Variants in TCEA3 observed in about 807,000 individuals in gnomAD.
The protein encoded by TCEA3 is transcription elongation factor A3, also known as transcription elongation factor A protein 3.
Under a neutral mutation model 44.0 loss-of-function variants are expected in TCEA3, and 36 were observed. The observed-to-expected ratio is 0.82, with a 90% CI of 0.63 to 1.08. The LOEUF (loss-of-function observed/expected upper bound fraction) is 1.08, where lower values mean the gene tolerates loss of function less well. TCEA3 is among the 50% of genes least tolerant of loss of function. The pLI, the probability that TCEA3 is intolerant of heterozygous loss-of-function variation, is 0.00. For synonymous variants in TCEA3, 162 were observed against 159.7 expected (o/e 1.01, Z -0.11); for missense variants, 392 against 441.2 (o/e 0.89, Z 1.00).
At position 23,419,083 on chromosome 1, in the gene TCEA3, T is replaced by G; in HGVS notation, c.126A>C (p.Leu42=). ...CTTCCCACCCCCGCCCCACCTGTAG[T>G]AGCTGGATGGACATCTGGCAGCTGT... ...KLHSCQMSIQ[L]LQTTRIGVAV... Residue 42 remains leucine, a synonymous_variant, in exon 2 of 11, where the codon CTA becomes CTC. Transcript: ENST00000450454. The G allele has an allele frequency of 9.4e-7, 1 of 1,063,222 alleles. No homozygotes were observed. The highest frequency in any genetic ancestry group is 1.3e-6 in the Non-Finnish European group (1 of 765,894). The allele number at this position is 1,063,222 out of a possible 1,614,324, so 65.9% of individuals were successfully genotyped here. A position where few individuals can be genotyped will look rare whatever the true frequency, so the allele number is the denominator to read the frequency against.
chr1:23,420,054 A>G (rs536078120), intron 1 of TCEA3, among the ~76,000 whole-genome samples: 4 of 152,210 alleles, frequency 2.6e-5, no homozygotes, highest in African/African-American at 9.6e-5. Context: ...AACAACCACA[A>G]TTCTGCCTTC....
In TCEA3 at chr1:23,384,177, C is replaced by T; in HGVS notation, c.1038+169G>A. On this transcript the variant is annotated intron_variant, in intron 10 of 10. Transcript: ENST00000450454. ...AAAACATGCATGTGTGTTCTCTCCC[C>T]ACCTCCCCAACAGCAATCCGCCACT... The T allele has an allele frequency of 8.9e-6, 13 of 1,461,310 alleles. 1 individual carries two copies. In the South Asian group the frequency reaches 1.9e-4, roughly 22 times the overall value. 90.5% of individuals were successfully genotyped at this position (1,461,310 alleles called of 1,614,324 possible).
intron 5 of TCEA3, among the ~76,000 whole-genome samples, chr1:23,398,503 T>C (rs1639286620): frequency 6.6e-6 from 1 of 152,212 alleles, no homozygotes; most frequent in Admixed American, 6.5e-5. Context: ...TTAAGGGGCT[T>C]ACAGTCTAGT....
At chr1:23,411,727 C>A (rs575982007) in intron 4 of TCEA3, among the ~76,000 whole-genome samples, 2 of 152,176 alleles carry the variant, frequency 1.3e-5, no homozygotes, top group Non-Finnish European at 2.9e-5. Context: ...AGACACCCCT[C>A]CCCTCCAGAG....
chr1:23,424,420 G>T, intron 1 of TCEA3, 145 bp downstream of exon 1: 1 of 681,604 alleles, frequency 1.5e-6, no homozygotes, highest in Non-Finnish European at 2.5e-6. Context: ...GGGGCCTTGG[G>T]CCCTGCACCA....
intron 4 of TCEA3, among the ~76,000 whole-genome samples, chr1:23,409,157 TAGG>T (rs1450450835): frequency 6.6e-6 from 1 of 151,866 alleles, no homozygotes; most frequent in Non-Finnish European, 1.5e-5. Flanking sequence ...GCAGGCACTT[TAGG>T]AGGAGGAGAG....
intron 10 of TCEA3, among the ~76,000 whole-genome samples, chr1:23,383,279 CAA>C (rs10604385): frequency 0.65 from 76,952 of 118,212 alleles, 26,419 homozygotes; most frequent in Non-Finnish European, 0.78. Flanking sequence ...GACTCCATCT[CAA>C]AAAAAAAAAA....
intron 1 of TCEA3, among the ~76,000 whole-genome samples, chr1:23,421,536 A>C (rs898364683): frequency 6.6e-5 from 10 of 151,982 alleles, no homozygotes; most frequent in African/African-American, 1.9e-4. Context: ...GTGTTTGCCA[A>C]TTTCTGTGGT....
intron 7 of TCEA3, among the ~76,000 whole-genome samples, chr1:23,395,377 C>T (rs922256239): frequency 6.6e-6 from 1 of 152,210 alleles, no homozygotes; most frequent in Non-Finnish European, 1.5e-5. Context: ...GAACTTTTGG[C>T]TGCATTGTTA....
intron 8 of TCEA3, among the ~76,000 whole-genome samples, chr1:23,389,180 T>C (rs1638943632): frequency 6.6e-6 from 1 of 152,078 alleles, no homozygotes; most frequent in Non-Finnish European, 1.5e-5. Flanking sequence ...CATAAAGCAT[T>C]TGCCCATTCA....
chr1:23,404,180 C>A (rs1298333527), intron 5 of TCEA3: 11 of 702,190 alleles, frequency 1.6e-5, no homozygotes, highest in Non-Finnish European at 2.9e-5. Context: ...GCAAATCATT[C>A]TGATAGCCAG....
At chr1:23,411,002 T>G (rs1639689856) in intron 4 of TCEA3, 1 of 204,688 alleles carries the variant, frequency 4.9e-6, no homozygotes, top group Non-Finnish European at 1.1e-5. Flanking sequence ...CACAATATTT[T>G]CTCTAGCAAC....
chr1:23,417,991 C>G lies in TCEA3; in HGVS notation c.151G>C (p.Ala51Pro), dbSNP rs1260183979. Residue 51 changes from alanine to proline, a missense_variant, in exon 3 of 11, where the codon GCT becomes CCT. Coordinates refer to ENST00000450454, the MANE Select transcript of TCEA3 (RefSeq NM_003196.3). ...QLLQTTRIGV[A>P]VNGVRKHCSD... Reference sequence around the variant, plus strand: ...CAGTGCTTGCGGACCCCATTAACAGCAACTCCAATCCTGGTTGTCTGCAAA... The same window carrying G: ...CAGTGCTTGCGGACCCCATTAACAGGAACTCCAATCCTGGTTGTCTGCAAA... The G allele has an allele frequency of 1.2e-6, 2 of 1,613,962 alleles. No individual in the cohort carries two copies. The highest frequency in any genetic ancestry group is 3.3e-5 in the Admixed American group (2 of 60,016).
At chr1:23,403,987 G>A in intron 5 of TCEA3, 1 of 635,968 alleles carries the variant, frequency 1.6e-6, no homozygotes, top group East Asian at 2.8e-5. Context: ...ATCGGCCGGG[G>A]TGGGAGGTTG....
At chr1:23,406,502 T>C (rs1249945993) in intron 5 of TCEA3, among the ~76,000 whole-genome samples, 3 of 152,144 alleles carry the variant, frequency 2.0e-5, no homozygotes, top group Non-Finnish European at 4.4e-5. Context: ...TTTCTCCTGC[T>C]CTGACCTCTG....
In TCEA3 at chr1:23,419,067, C is replaced by A; in HGVS notation, c.132+10G>T. ...AGGCACTGTCCCAAGGCTTCCCACC[C>A]CCGCCCCACCTGTAGTAGCTGGATG... On this transcript the variant is annotated intron_variant, in intron 2 of 10. Coordinates refer to ENST00000450454, the MANE Select transcript of TCEA3 (RefSeq NM_003196.3). 4 of 1,529,330 alleles carry A rather than the reference C, an allele frequency of 2.6e-6. No individual in the cohort carries two copies. Among genetic ancestry groups the A allele is most frequent in the East Asian group, 2.4e-5 (1 of 41,124 alleles). 94.7% of individuals were successfully genotyped at this position (1,529,330 alleles called of 1,614,324 possible).
At chr1:23,413,177 C>T (rs1333559268) in intron 4 of TCEA3, among the ~76,000 whole-genome samples, 1 of 152,048 alleles carries the variant, frequency 6.6e-6, no homozygotes, top group Admixed American at 6.6e-5. Flanking sequence ...TCACTCCTCA[C>T]CCAGGCTGGA....
Position 23,417,952 on chromosome 1 carries a change from C to T in TCEA3, c.190G>A (p.Val64Met), listed in dbSNP as rs956687574. The T allele has an allele frequency of 6.2e-7, 1 of 1,614,092 alleles. No homozygotes were observed. Reference sequence around the variant, plus strand: ...ATAAGGACTTTGGCCAAGGACACCACCTCCTTGTCTGAGCAGTGCTTGCGG... The same window carrying T: ...ATAAGGACTTTGGCCAAGGACACCATCTCCTTGTCTGAGCAGTGCTTGCGG... ...GVRKHCSDKE[V>M]VSLAKVLIKN... The change falls in exon 3 of 11, where the codon GTG (valine) becomes ATG (methionine). Residue 64 changes from valine to methionine, a missense_variant. Transcript: ENST00000450454.
At chr1:23,419,026 CA>C in intron 2 of TCEA3, 50 bp downstream of exon 2, 1 of 1,006,918 alleles carries the variant, frequency 9.9e-7, no homozygotes, top group Non-Finnish European at 1.4e-6. Flanking sequence ...TTCCCTCCCC[CA>C]CCAGCTCTCC....
Sources: gnomAD v4.1 joint callset for allele counts (sites outside exome capture counted in the v4.1 genomes callset) on GRCh38, gnomAD v4.1.1 for gene constraint, MANE v1.5 for transcripts, NCBI Gene and HGNC (gene_info 2026-07-23, HGNC 2026-07-21) for gene names.